The following ADCYAP1R1 variants were observed in gnomAD, a reference collection of about 807,000 sequenced individuals.
ADCYAP1R1 encodes pituitary adenylate cyclase-activating polypeptide type I receptor.
In ADCYAP1R1, 44 loss-of-function variants were observed where a neutral mutation model predicts 67.6. The ratio of observed to expected loss-of-function variants is 0.65; its 90% CI spans 0.51 to 0.84. ADCYAP1R1 has a LOEUF of 0.84. Among genes scored for constraint, ADCYAP1R1 ranks in the 40% least tolerant of loss-of-function variants. ADCYAP1R1 has a pLI of 0.00. For missense variants in ADCYAP1R1, 477 were observed against 587.9 expected, an observed-to-expected ratio of 0.81 and a Z score of 1.95; for synonymous variants, 222 against 219.6, an observed-to-expected ratio of 1.01 and a Z score of -0.10.
At chr7:31,099,978 G>T in intron 13 of ADCYAP1R1, 1 of 725,284 alleles carries the variant, frequency 1.4e-6, no homozygotes, top group Non-Finnish European at 2.4e-6. Flanking sequence ...AGCTGCCCAT[G>T]TCTTGGCCCT....
intron 3 of ADCYAP1R1, among the ~76,000 whole-genome samples, chr7:31,071,543 G>A (rs79979239): frequency 0.04 from 6,073 of 152,270 alleles, 163 homozygotes; most frequent in Middle Eastern, 0.11. Context: ...GGCCTGGGCT[G>A]CACTCGGCCA....
chr7:31,064,911 G>T lies in ADCYAP1R1; in HGVS notation c.132G>T (p.Leu44=), dbSNP rs540262330. 1 of 1,611,302 alleles carries T rather than the reference G, an allele frequency of 6.2e-7. No individual in the cohort carries two copies. Among genetic ancestry groups the T allele is most frequent in the Non-Finnish European group, 8.5e-7 (1 of 1,178,636 alleles). ...AGAAGATCCAGAGGGCCAATGAGCT[G>T]ATGGGCTTCAATGATTCCTCTCCAG... ...CLEKIQRANE[L]MGFNDSSPGC... The change falls in exon 3 of 16, where the codon CTG becomes CTT. Residue 44 remains leucine (L), a synonymous_variant. Coordinates refer to ENST00000304166, the MANE Select transcript of ADCYAP1R1 (RefSeq NM_001118.5).
chr7:31,081,979 A>G (rs992436892), intron 6 of ADCYAP1R1, among the ~76,000 whole-genome samples: 2 of 152,226 alleles, frequency 1.3e-5, no homozygotes, highest in African/African-American at 4.8e-5. Flanking sequence ...GATGTCTTAG[A>G]GTCCCTTTGT....
chr7:31,094,226 A>G (rs1486653244), intron 13 of ADCYAP1R1, among the ~76,000 whole-genome samples: 2 of 152,146 alleles, frequency 1.3e-5, no homozygotes, highest in East Asian at 1.9e-4. Flanking sequence ...TTATTCATCA[A>G]TATAAATCAT....
Position 31,103,337 on chromosome 7 carries a change from G to C in ADCYAP1R1, c.1147G>C (p.Val383Leu). The change falls in exon 14 of 16, where the codon GTG becomes CTG. Residue 383 changes from valine (V) to leucine (L), a missense_variant. Coordinates refer to ENST00000304166, the MANE Select transcript of ADCYAP1R1 (RefSeq NM_001118.5). ...PENVSKRERL[V>L]FELGLGSFQG... ...GAATGTCAGCAAAAGGGAAAGACTC[G>C]TGTTTGAGCTGGGGCTGGGCTCCTT... The C allele has an allele frequency of 3.7e-6, 6 of 1,614,204 alleles. No homozygotes were observed. The highest frequency in any genetic ancestry group is 4.2e-6 in the Non-Finnish European group (5 of 1,180,020).
chr7:31,095,171 A>G (rs1796138883), intron 13 of ADCYAP1R1, among the ~76,000 whole-genome samples: 1 of 152,198 alleles, frequency 6.6e-6, no homozygotes, highest in Admixed American at 6.5e-5. Context: ...GCAAACATCC[A>G]GTGAATCTGG....
In ADCYAP1R1 at chr7:31,108,842, C is replaced by G. The variant is rs1025772299; in HGVS notation, c.*2158C>G. 6.6e-6 allele frequency: 1 copy of G among 151,908 alleles called. No individual in the cohort carries two copies. Among genetic ancestry groups the G allele is most frequent in the Admixed American group, 6.6e-5 (1 of 15,258 alleles). The allele number at this position is 151,908 out of a possible 1,614,324, so 9.4% of individuals were successfully genotyped here. A position where few individuals can be genotyped will look rare whatever the true frequency, so the allele number is the denominator to read the frequency against. On this transcript the variant is annotated 3_prime_UTR_variant, in exon 16 of 16. Transcript: ENST00000304166. ...CTTGGAAATGGACCTTCTGTCCCTTCCATTTGGACACCACAGTGGAAGCTG... is the reference window on the plus strand; with the variant it reads ...CTTGGAAATGGACCTTCTGTCCCTTGCATTTGGACACCACAGTGGAAGCTG...
chr7:31,095,856 C>T (rs1006962614), intron 13 of ADCYAP1R1: 14 of 650,534 alleles, frequency 2.2e-5, no homozygotes, highest in Non-Finnish European at 2.8e-5. Context: ...GGGGCCTCTG[C>T]GGGGGGACGG....
intron 3 of ADCYAP1R1, among the ~76,000 whole-genome samples, chr7:31,077,417 T>C (rs1414332871): frequency 1.7e-5 from 1 of 57,696 alleles, no homozygotes; most frequent in Admixed American, 1.3e-4. Context: ...GTGTGTGTGA[T>C]GTGTGTGTGG....
Position 31,108,744 on chromosome 7 carries a change from A to ATGTG in ADCYAP1R1, c.*2061_*2062insGTGT, listed in dbSNP as rs748785102. ...TGCCTCATATCAGGTTTTGATGAAT[A>ATGTG]TATGTGTGTGTGTGTGTGTGTGTGT... On this transcript the variant is annotated 3_prime_UTR_variant, in exon 16 of 16. Transcript: ENST00000304166. 8.5e-5 allele frequency: 10 copies of ATGTG among 117,230 alleles called. No individual in the cohort carries two copies. Among genetic ancestry groups the ATGTG allele is most frequent in the Non-Finnish European group, 1.3e-4 (8 of 60,302 alleles). The allele number at this position is 117,230 out of a possible 1,614,324, so 7.3% of individuals were successfully genotyped here.
In ADCYAP1R1 at chr7:31,062,377, C is replaced by T. The variant is rs377597701; in HGVS notation, c.-71-817C>T. ...ATGCTTCACCTGTCACCGTGTTTTC[C>T]GTGTCATGGTTTAAGACTTCATCCC... On this transcript the variant is annotated intron_variant, in intron 1 of 15. Transcript: ENST00000304166. Among the ~76,000 whole-genome samples the T allele has an allele frequency of 1.2e-4, 18 of 152,128 alleles. No individual in the cohort carries two copies. In the East Asian group the frequency reaches 2.9e-3, roughly 24 times the overall value.
intron 1 of ADCYAP1R1, among the ~76,000 whole-genome samples, chr7:31,058,707 G>A (rs1017445501): frequency 1.3e-5 from 2 of 152,174 alleles, no homozygotes; most frequent in African/African-American, 2.4e-5. Context: ...GTGTAGTGGC[G>A]GACCTGACCA....
Position 31,052,475 on chromosome 7 carries a change from C to T in ADCYAP1R1, c.-275C>T. Reference sequence around the variant, plus strand: ...GGCGGCTCCGGGCGAGCGTGGTCCCCGCGTGCGCACACGCACACGCCGCCG... The same window carrying T: ...GGCGGCTCCGGGCGAGCGTGGTCCCTGCGTGCGCACACGCACACGCCGCCG... On this transcript the variant is annotated 5_prime_UTR_variant, in exon 1 of 16. Transcript: ENST00000304166. 1 of 150,040 alleles carries T rather than the reference C, an allele frequency of 6.7e-6. No individual in the cohort carries two copies. Among genetic ancestry groups the T allele is most frequent in the Admixed American group, 6.6e-5 (1 of 15,086 alleles). The allele number at this position is 150,040 out of a possible 1,614,324, so 9.3% of individuals were successfully genotyped here. A position where few individuals can be genotyped will look rare whatever the true frequency, so the allele number is the denominator to read the frequency against.
Position 31,110,566 on chromosome 7 carries a change from C to G in ADCYAP1R1, c.*3882C>G, listed in dbSNP as rs1796822652. 1 of 152,410 alleles carries G rather than the reference C, an allele frequency of 6.6e-6. No homozygotes were observed. Among genetic ancestry groups the G allele is most frequent in the Non-Finnish European group, 1.5e-5 (1 of 68,046 alleles). The allele number at this position is 152,410 out of a possible 1,614,324, so 9.4% of individuals were successfully genotyped here. A position where few individuals can be genotyped will look rare whatever the true frequency, so the allele number is the denominator to read the frequency against. ...GCTCACCAATTTATGCATAGCCCTG[C>G]ACATGAGCAGAATGTGACACTCAAA... On this transcript the variant is annotated 3_prime_UTR_variant, in exon 16 of 16. Coordinates refer to ENST00000304166, the MANE Select transcript of ADCYAP1R1 (RefSeq NM_001118.5).
Position 31,097,194 on chromosome 7 carries a change from G to A in ADCYAP1R1, c.1046+4459G>A, listed in dbSNP as rs149767267. Among the ~76,000 whole-genome samples, 442 of 152,306 alleles carry A rather than the reference G, an allele frequency of 2.9e-3. 4 individuals carry two copies. The highest frequency in any genetic ancestry group is 0.01 in the African/African-American group (420 of 41,566). ...GGGTGAGCCCTGCACCTGTGATAGGGTCTCCCACTTTCTGAATCAGGCTGC... is the reference window on the plus strand; with the variant it reads ...GGGTGAGCCCTGCACCTGTGATAGGATCTCCCACTTTCTGAATCAGGCTGC... On this transcript the variant is annotated intron_variant, in intron 13 of 15. Transcript: ENST00000304166.
intron 12 of ADCYAP1R1, among the ~76,000 whole-genome samples, chr7:31,090,013 G>A (rs1437908917): frequency 6.6e-6 from 1 of 152,086 alleles, no homozygotes; most frequent in East Asian, 1.9e-4. Flanking sequence ...AATTTTGTTA[G>A]CCTCATAGGT....
chr7:31,079,302 G>T (rs970469023), intron 4 of ADCYAP1R1, among the ~76,000 whole-genome samples: 2 of 152,216 alleles, frequency 1.3e-5, no homozygotes, highest in Non-Finnish European at 2.9e-5. Flanking sequence ...AAGGCACTGA[G>T]TTGGGGCTGG....
At chr7:31,077,352 G>A (rs796300661) in intron 3 of ADCYAP1R1, among the ~76,000 whole-genome samples, 10 of 151,352 alleles carry the variant, frequency 6.6e-5, no homozygotes, top group African/African-American at 2.4e-4. Context: ...TGTGAGTGGT[G>A]TGTGTGTGAT....
intron 3 of ADCYAP1R1, among the ~76,000 whole-genome samples, chr7:31,074,984 C>A (rs560870675): frequency 6.6e-6 from 1 of 152,328 alleles, no homozygotes; most frequent in Non-Finnish European, 1.5e-5. Context: ...ACAGGATTTT[C>A]TCCGTCTAAA....
Sources: gnomAD v4.1 joint callset for allele counts (sites outside exome capture counted in the v4.1 genomes callset) on GRCh38, gnomAD v4.1.1 for gene constraint, MANE v1.5 for transcripts, NCBI Gene and HGNC (gene_info 2026-07-23, HGNC 2026-07-21) for gene names.